ALCAM: variants seen among roughly 807,000 people sequenced by gnomAD.
ALCAM encodes the protein activated leukocyte cell adhesion molecule, also known as CD166 antigen.
A neutral mutation model predicts 70.9 loss-of-function variants in ALCAM; 30 were observed. The ratio of observed to expected loss-of-function variants is 0.42; its 90% CI spans 0.32 to 0.57. The LOEUF (loss-of-function observed/expected upper bound fraction) is 0.57, where lower values mean the gene tolerates loss of function less well. ALCAM is among the 20% of genes least tolerant of loss of function. ALCAM has a pLI of 0.11. For synonymous variants in ALCAM, 249 were observed against 242.5 expected (o/e 1.03, Z -0.25); for missense variants, 591 against 695.1 (o/e 0.85, Z 1.68).
intron 1 of ALCAM, among the ~76,000 whole-genome samples, chr3:105,474,906 T>A (rs1384641267): frequency 2.0e-5 from 3 of 151,090 alleles, no homozygotes; most frequent in African/African-American, 7.3e-5. Context: ...CAACTGCCAA[T>A]TAAAGATTAT....
At chr3:105,427,663 T>A (rs1936824784) in intron 1 of ALCAM, among the ~76,000 whole-genome samples, 1 of 151,932 alleles carries the variant, frequency 6.6e-6, no homozygotes, top group South Asian at 2.1e-4. Flanking sequence ...CTAAATAAGC[T>A]GTACAATGTT....
At chr3:105,455,834 A>T (rs73183198) in intron 1 of ALCAM, among the ~76,000 whole-genome samples, 22,985 of 152,228 alleles carry the variant, frequency 0.15, 1,855 homozygotes, top group Middle Eastern at 0.19. Context: ...TCACACCTGT[A>T]ATCCTAGCAC....
chr3:105,413,721 A>G (rs1936443071), intron 1 of ALCAM, among the ~76,000 whole-genome samples: 1 of 152,178 alleles, frequency 6.6e-6, no homozygotes. Flanking sequence ...AAGTGTCCAC[A>G]GCTGCTGTTA....
intron 1 of ALCAM, among the ~76,000 whole-genome samples, chr3:105,486,103 T>C (rs1283159660): frequency 1.3e-5 from 2 of 152,090 alleles, no homozygotes; most frequent in African/African-American, 4.8e-5. Context: ...CTATTTATAG[T>C]AACCTTGAAC....
At chr3:105,527,159 T>C (rs911772070) in intron 3 of ALCAM, among the ~76,000 whole-genome samples, 30 of 152,182 alleles carry the variant, frequency 2.0e-4, no homozygotes, top group African/African-American at 5.3e-4. Context: ...GGCATCAAAA[T>C]CAAACTGTGT....
At chr3:105,461,145 A>G (rs1168317786) in intron 1 of ALCAM, among the ~76,000 whole-genome samples, 1 of 151,772 alleles carries the variant, frequency 6.6e-6, no homozygotes, top group Non-Finnish European at 1.5e-5. Context: ...CAAAACCAGG[A>G]TGGGGGCTGA....
intron 1 of ALCAM, among the ~76,000 whole-genome samples, chr3:105,498,038 A>T (rs1241606948): frequency 2.0e-5 from 3 of 150,032 alleles, no homozygotes; most frequent in Non-Finnish European, 3.0e-5. Context: ...CTCAAAAAAA[A>T]AAAAAAAGGG....
chr3:105,397,608 C>G (rs1935987687), intron 1 of ALCAM, among the ~76,000 whole-genome samples: 1 of 151,658 alleles, frequency 6.6e-6, no homozygotes, highest in African/African-American at 2.4e-5. Flanking sequence ...TCAAATAACC[C>G]TCCCTCCAAT....
rs1559827836 is a variant in ALCAM at position 105,541,757 on chromosome 3, C to T, written c.983C>T (p.Thr328Ile). 2 of 1,611,852 alleles carry T rather than the reference C, an allele frequency of 1.2e-6. No individual in the cohort carries two copies. The highest frequency in any genetic ancestry group is 4.5e-5 in the East Asian group (2 of 44,824). ...KKSMIASTAI[T>I]VHYLDLSLNP... is the part of the protein sequence containing the mutation. ...AGCATGATTGCTTCAACAGCTATCA[C>T]AGTTCACTGTAAGTCACCTACTTCT... The change falls in exon 8 of 16, where the codon ACA becomes ATA. Residue 328 changes from threonine to isoleucine, a missense_variant. By Grantham distance (89) the Thr-to-Ile change is moderately conservative. Coordinates refer to ENST00000306107, the MANE Select transcript of ALCAM (RefSeq NM_001627.4).
chr3:105,513,948 A>G (rs549065392), intron 1 of ALCAM, among the ~76,000 whole-genome samples: 3 of 152,060 alleles, frequency 2.0e-5, no homozygotes, highest in African/African-American at 7.2e-5. Context: ...GCCCAAAGAG[A>G]GAAAACCAAG....
chr3:105,427,525 AG>A (rs1936820517), intron 1 of ALCAM, among the ~76,000 whole-genome samples: 1 of 151,882 alleles, frequency 6.6e-6, no homozygotes, highest in Non-Finnish European at 1.5e-5. Context: ...GAAAAGAGAG[AG>A]GAATCTGAAG....
At chr3:105,443,569 G>T (rs910567081) in intron 1 of ALCAM, among the ~76,000 whole-genome samples, 2 of 152,086 alleles carry the variant, frequency 1.3e-5, no homozygotes, top group East Asian at 3.9e-4. Flanking sequence ...TAAAATAATG[G>T]ACTCTTAAAC....
intron 1 of ALCAM, among the ~76,000 whole-genome samples, chr3:105,465,549 G>C (rs949818885): frequency 6.6e-6 from 1 of 151,414 alleles, no homozygotes; most frequent in African/African-American, 2.4e-5. Flanking sequence ...GGACTAGTTT[G>C]TTACCAGTTT....
intron 1 of ALCAM, among the ~76,000 whole-genome samples, chr3:105,445,039 G>A (rs1034283373): frequency 1.3e-5 from 2 of 152,010 alleles, no homozygotes; most frequent in Non-Finnish European, 2.9e-5. Context: ...TAGTCTATAC[G>A]ATATAATCAT....
intron 3 of ALCAM, among the ~76,000 whole-genome samples, chr3:105,530,658 A>G (rs1939817736): frequency 6.6e-6 from 1 of 152,098 alleles, no homozygotes; most frequent in Non-Finnish European, 1.5e-5. Context: ...TTATATTTCT[A>G]GAATTAATAG....
chr3:105,459,828 C>T (rs1277807011), intron 1 of ALCAM, among the ~76,000 whole-genome samples: 1 of 152,062 alleles, frequency 6.6e-6, no homozygotes, highest in African/African-American at 2.4e-5. Context: ...GAAATCATTT[C>T]TCCTCTTAGT....
chr3:105,371,140 A>G (rs1271848408), intron 1 of ALCAM, among the ~76,000 whole-genome samples: 1 of 152,166 alleles, frequency 6.6e-6, no homozygotes, highest in East Asian at 1.9e-4. Flanking sequence ...AGACATTCAG[A>G]TGAAAATGCA....
intron 1 of ALCAM, among the ~76,000 whole-genome samples, chr3:105,392,188 CCTT>C (rs993448056): frequency 9.2e-5 from 14 of 152,032 alleles, no homozygotes; most frequent in African/African-American, 3.4e-4. Context: ...AGCTGTAAAT[CCTT>C]CTGGTCCTGG....
intron 1 of ALCAM, among the ~76,000 whole-genome samples, chr3:105,491,252 C>A (rs969500359): frequency 6.6e-5 from 10 of 152,144 alleles, no homozygotes; most frequent in African/African-American, 2.4e-4. Flanking sequence ...ACAGCAAGAC[C>A]CTGGGACCAA....
Sources: gnomAD v4.1 joint callset for allele counts (sites outside exome capture counted in the v4.1 genomes callset) on GRCh38, gnomAD v4.1.1 for gene constraint, MANE v1.5 for transcripts, NCBI Gene and HGNC (gene_info 2026-07-23, HGNC 2026-07-21) for gene names.